Variants in FBXL18 observed in about 807,000 individuals in gnomAD.
FBXL18 encodes the protein F-box and leucine rich repeat protein 18, also known as F-box/LRR-repeat protein 18.
A neutral mutation model predicts 46.0 loss-of-function variants in FBXL18; 36 were observed. The observed-to-expected ratio is 0.78, with a 90% confidence interval of 0.60 to 1.03. FBXL18 has a LOEUF of 1.03. Ranked by LOEUF, FBXL18 falls within the 50% of genes least tolerant of loss-of-function variation. The probability of loss-of-function intolerance (pLI) is 0.00; values close to 1 mark genes in which losing one functional copy is unlikely to be tolerated. For synonymous variants in FBXL18, 557 were observed against 465.3 expected (o/e 1.20, Z -2.54); for missense variants, 977 against 1,004.1 (o/e 0.97, Z 0.36).
intron 4 of FBXL18, among the ~76,000 whole-genome samples, chr7:5,488,104 G>A (rs943778087): frequency 6.6e-6 from 1 of 152,226 alleles, no homozygotes; most frequent in African/African-American, 2.4e-5. Flanking sequence ...TTCAAAAAAC[G>A]CACCGTCCAA....
At chr7:5,463,951 G>C (rs1450612354) in intron 4 of FBXL18, among the ~76,000 whole-genome samples, 1 of 151,626 alleles carries the variant, frequency 6.6e-6, no homozygotes, top group African/African-American at 2.4e-5. Flanking sequence ...ATGTTGGTCA[G>C]TCTGGTCTCG....
rs372429195 is a variant in FBXL18 at position 5,505,577 on chromosome 7, G to A, written c.72C>T (p.Asp24=). The A allele has an allele frequency of 8.1e-6, 13 of 1,614,028 alleles. No individual in the cohort carries two copies. The East Asian group carries it at 1.3e-4, about 17-fold the overall frequency. The stretch of plus-strand genomic sequence containing the variant: ...CAGAGAACCCTAGGAGGTGGACCCC[G>A]TCTGCCATCCCGGCTGCTGCAGGGT... The part of the protein sequence containing the change: ...DMHPAAAGMA[D]GVHLLGFSDE... The change falls in exon 2 of 5, where the codon GAC becomes GAT. Residue 24 remains aspartate, a synonymous_variant. Coordinates refer to ENST00000382368, the MANE Select transcript of FBXL18 (RefSeq NM_024963.6).
chr7:5,490,317 C>A, intron 4 of FBXL18: 1 of 1,137,598 alleles, frequency 8.8e-7, no homozygotes, highest in East Asian at 6.2e-5. Flanking sequence ...GCCCGTCCTC[C>A]TGAGAGGTCT....
chr7:5,463,373 G>A (rs143182592), intron 4 of FBXL18, among the ~76,000 whole-genome samples: 86 of 152,034 alleles, frequency 5.7e-4, no homozygotes, highest in East Asian at 3.1e-3. Flanking sequence ...TAATTCCAGC[G>A]CCTTGGGAGG....
Position 5,479,736 on chromosome 7 carries a change from G to A in FBXL18, c.*2039C>T, listed in dbSNP as rs1362098693. The A allele has an allele frequency of 6.6e-6, 1 of 152,662 alleles. No homozygotes were observed. The highest frequency in any genetic ancestry group is 1.5e-5 in the Non-Finnish European group (1 of 68,444). 9.5% of individuals were successfully genotyped at this position (152,662 alleles called of 1,614,324 possible). ...CTGGGAGGCGAAGGCTTGGTCTGGT[G>A]TGGGTCCCACCATCGGGCACTGCTG... On this transcript the variant is annotated 3_prime_UTR_variant, in exon 5 of 5. Coordinates refer to ENST00000382368, the MANE Select transcript of FBXL18 (RefSeq NM_024963.6).
downstream of FBXL18, among the ~76,000 whole-genome samples, chr7:5,471,740 C>T (rs901144352): frequency 7.2e-5 from 11 of 152,224 alleles, no homozygotes; most frequent in Admixed American, 3.3e-4. Context: ...CACACTCAGT[C>T]GACTCCAGGT....
Position 5,501,932 on chromosome 7 carries a change from C to G in FBXL18, c.337G>C (p.Glu113Gln). 6.2e-7 allele frequency: 1 copy of G among 1,604,400 alleles called. No homozygotes were observed. The highest frequency in any genetic ancestry group is 8.5e-7 in the Non-Finnish European group (1 of 1,176,704). Reference protein sequence around the residue: ...GCYWLPGSTVEHVARCRSLVK... With the variant: ...GCYWLPGSTVQHVARCRSLVK... Reference sequence around the variant, plus strand: ...AGGCTGCGGCAGCGGGCCACGTGTTCCACGGTGGAGCCAGGCAGCCAGTAG... The same window carrying G: ...AGGCTGCGGCAGCGGGCCACGTGTTGCACGGTGGAGCCAGGCAGCCAGTAG... The change falls in exon 3 of 5, where the codon GAA becomes CAA. Residue 113 changes from glutamate (E) to glutamine (Q), a missense_variant. Transcript: ENST00000382368.
At chr7:5,463,719 TA>T (rs1484412758) in intron 4 of FBXL18, among the ~76,000 whole-genome samples, 6 of 73,442 alleles carry the variant, frequency 8.2e-5, no homozygotes, top group African/African-American at 1.1e-4. Context: ...TTTATTTATT[TA>T]TTTATTTATT....
chr7:5,513,575 G>T, intron 1 of FBXL18, 82 bp downstream of exon 1: 23 of 1,524,502 alleles, frequency 1.5e-5, no homozygotes, highest in Non-Finnish European at 2.0e-5. Flanking sequence ...AGGATGCAAG[G>T]GAACCCGGGT....
chr7:5,500,216 C>T (rs117917890), intron 3 of FBXL18, among the ~76,000 whole-genome samples: 2,475 of 152,126 alleles, frequency 0.016, 48 homozygotes, highest in South Asian at 0.057. Context: ...GGTCCTGAGA[C>T]GATTTCACAG....
chr7:5,498,979 C>T (rs1238183420), intron 3 of FBXL18, among the ~76,000 whole-genome samples: 1 of 152,212 alleles, frequency 6.6e-6, no homozygotes, highest in African/African-American at 2.4e-5. Context: ...ACAAGAACAC[C>T]GTTCACTCCA....
At chr7:5,459,573 T>C (rs894261620) in intron 4 of FBXL18, among the ~76,000 whole-genome samples, 1 of 151,996 alleles carries the variant, frequency 6.6e-6, no homozygotes, top group Non-Finnish European at 1.5e-5. Flanking sequence ...ACCCCGTCTC[T>C]ACTAAAAATA....
rs768280962 is a variant in FBXL18 at position 5,513,717 on chromosome 7, C to G, written c.-43G>C. ...ACCGCGGCCGCGGGATCCGCAACCC[C>G]GTGCCTCCCACCTGCCCGGCTAGGG... is the stretch of plus-strand genomic sequence containing the variant. On this transcript the variant is annotated 5_prime_UTR_variant, in exon 1 of 5. Coordinates refer to ENST00000382368, the MANE Select transcript of FBXL18 (RefSeq NM_024963.6). 1.3e-6 allele frequency: 2 copies of G among 1,590,216 alleles called. No homozygotes were observed. Among genetic ancestry groups the G allele is most frequent in the Non-Finnish European group, 1.7e-6 (2 of 1,168,804 alleles).
Position 5,511,045 on chromosome 7 carries a change from G to C in FBXL18, c.18+2612C>G, listed in dbSNP as rs144040623. ...TTTTTCAAAACCCTTCCTTTGTAGA[G>C]ATGGAGTTTTGCCATGTTGCCCAGG... On this transcript the variant is annotated intron_variant, in intron 1 of 4. Transcript: ENST00000382368. Among the ~76,000 whole-genome samples, 499 of 152,322 alleles carry C rather than the reference G, an allele frequency of 3.3e-3. 2 individuals are homozygous for C. The highest frequency in any genetic ancestry group is 0.012 in the African/African-American group (483 of 41,570).
chr7:5,491,341 G>A lies in FBXL18; in HGVS notation c.1890C>T (p.Pro630=), dbSNP rs994691852. The part of the protein sequence containing the change: ...CLVSRSGTLQ[P]DAVLAFMARC... The stretch of plus-strand genomic sequence containing the variant: ...GAGCCATGAAGGCCAGCACGGCATC[G>A]GGCTGGAGGGTGCCGCTGCGAGAGA... The change falls in exon 4 of 5, where the codon CCC becomes CCT. Residue 630 remains proline, a synonymous_variant. Transcript: ENST00000382368. 17 of 1,611,420 alleles carry A rather than the reference G, an allele frequency of 1.1e-5. No homozygotes were observed. The highest frequency in any genetic ancestry group is 1.6e-4 in the Middle Eastern group (1 of 6,084).
chr7:5,493,689 G>C (rs1056154777), intron 3 of FBXL18, among the ~76,000 whole-genome samples: 1 of 149,542 alleles, frequency 6.7e-6, no homozygotes, highest in Non-Finnish European at 1.5e-5. Context: ...GCGTGCGTGT[G>C]TGTGTGTGGA....
At chr7:5,473,693 A>G (rs1219998170), downstream of FBXL18, among the ~76,000 whole-genome samples, 1 of 150,268 alleles carries the variant, frequency 6.7e-6, no homozygotes, top group African/African-American at 2.5e-5. Flanking sequence ...CTCGGGAGGC[A>G]GAGGTTGCAG....
intron 4 of FBXL18, among the ~76,000 whole-genome samples, chr7:5,467,386 A>T (rs1035440940): frequency 6.6e-6 from 1 of 151,008 alleles, no homozygotes; most frequent in Non-Finnish European, 1.5e-5. Context: ...ATAATAAATA[A>T]AAATAAAAAA....
chr7:5,471,612 G>A (rs559422256), downstream of FBXL18, among the ~76,000 whole-genome samples: 7 of 151,262 alleles, frequency 4.6e-5, no homozygotes, highest in African/African-American at 7.3e-5. Flanking sequence ...GGGCTTCACC[G>A]TGTTAGCCAG....
Sources: gnomAD v4.1 joint callset for allele counts (sites outside exome capture counted in the v4.1 genomes callset) on GRCh38, gnomAD v4.1.1 for gene constraint, MANE v1.5 for transcripts, NCBI Gene and HGNC (gene_info 2026-07-23, HGNC 2026-07-21) for gene names.